SLC35D4: variants seen among roughly 807,000 people sequenced by gnomAD.
SLC35D4 encodes solute carrier family 35 member D4.
At chr18:23,387,106 T>C in the SLC35D4 span, among the ~76,000 whole-genome samples, 1 of 152,094 alleles carries the variant, frequency 6.6e-6, no homozygotes, top group East Asian at 1.9e-4. Context: ...GAATCGGGGT[T>C]TCACCATGTT....
At chr18:23,388,554 G>T in the SLC35D4 span, among the ~76,000 whole-genome samples, 18 of 152,188 alleles carry the variant, frequency 1.2e-4, 1 homozygote, top group Non-Finnish European at 4.4e-5. Context: ...TCAAGCCACA[G>T]TGAAAACTTC....
chr18:23,283,548 G>A, the SLC35D4 span, among the ~76,000 whole-genome samples: 1 of 151,210 alleles, frequency 6.6e-6, no homozygotes, highest in Non-Finnish European at 1.5e-5. Context: ...AGTGGCTCAC[G>A]CCTCTAATCC....
chr18:23,336,794 G>C, the SLC35D4 span, among the ~76,000 whole-genome samples: 1 of 152,174 alleles, frequency 6.6e-6, no homozygotes, highest in African/African-American at 2.4e-5. Context: ...CCATCCAGGT[G>C]GTGGAGAAAG....
At chr18:23,257,250 G>A in the SLC35D4 span, 1 of 1,605,222 alleles carries the variant, frequency 6.2e-7, no homozygotes, top group Admixed American at 1.8e-5. Flanking sequence ...AGTTCCGGCT[G>A]AACAGGCGAG....
the SLC35D4 span, among the ~76,000 whole-genome samples, chr18:23,303,417 A>G: frequency 6.6e-6 from 1 of 152,280 alleles, no homozygotes; most frequent in East Asian, 1.9e-4. Context: ...AGGATGTGAA[A>G]CAGCCCAGAG....
the SLC35D4 span, among the ~76,000 whole-genome samples, chr18:23,256,624 G>T: frequency 2.0e-5 from 3 of 152,080 alleles, no homozygotes; most frequent in Non-Finnish European, 4.4e-5. Flanking sequence ...GGGATTACAG[G>T]CGCCCACCGC....
the SLC35D4 span, among the ~76,000 whole-genome samples, chr18:23,282,086 G>T: frequency 7.0e-4 from 107 of 152,326 alleles, 2 homozygotes; most frequent in Middle Eastern, 6.8e-3. Flanking sequence ...GGTGAGTGGT[G>T]CCTGCACTGA....
the SLC35D4 span, among the ~76,000 whole-genome samples, chr18:23,370,498 C>T: frequency 4.9e-4 from 75 of 152,262 alleles, no homozygotes; most frequent in African/African-American, 1.8e-3. Context: ...CCATTGGTCC[C>T]CAGAGTGCTG....
At chr18:23,307,954 C>A in the SLC35D4 span, among the ~76,000 whole-genome samples, 1 of 151,890 alleles carries the variant, frequency 6.6e-6, no homozygotes, top group African/African-American at 2.4e-5. Flanking sequence ...GTCTGCCCTG[C>A]TGAACACCAC....
chr18:23,379,699 G>A, the SLC35D4 span, among the ~76,000 whole-genome samples: 2 of 152,166 alleles, frequency 1.3e-5, no homozygotes, highest in African/African-American at 2.4e-5. Flanking sequence ...TGAGTTCATG[G>A]CAGTCATTTT....
the SLC35D4 span, chr18:23,352,335 T>C: frequency 6.6e-7 from 1 of 1,515,236 alleles, no homozygotes; most frequent in East Asian, 2.3e-5. Flanking sequence ...TGTCTTCCCT[T>C]AGCCAATGGC....
At chr18:23,266,711 A>G in the SLC35D4 span, among the ~76,000 whole-genome samples, 1 of 152,226 alleles carries the variant, frequency 6.6e-6, no homozygotes, top group African/African-American at 2.4e-5. Flanking sequence ...GAGCAGCTCA[A>G]TGGGGTGATT....
At chr18:23,436,032 T>TC in the SLC35D4 span, among the ~76,000 whole-genome samples, 1 of 115,716 alleles carries the variant, frequency 8.6e-6, no homozygotes, top group South Asian at 2.7e-4. Context: ...CAACACTTTC[T>TC]CTTTTTTTTT....
chr18:23,278,179 G>A, the SLC35D4 span, among the ~76,000 whole-genome samples: 1 of 152,048 alleles, frequency 6.6e-6, no homozygotes, highest in Admixed American at 6.6e-5. Context: ...AAAACCACTG[G>A]GCAGAATGTA....
At chr18:23,270,835 G>A in the SLC35D4 span, among the ~76,000 whole-genome samples, 1 of 152,344 alleles carries the variant, frequency 6.6e-6, no homozygotes, top group South Asian at 2.1e-4. Context: ...TGAACGCACT[G>A]GACAGTTACA....
At chr18:23,280,047 C>T in the SLC35D4 span, among the ~76,000 whole-genome samples, 5 of 152,310 alleles carry the variant, frequency 3.3e-5, no homozygotes, top group Admixed American at 6.5e-5. Flanking sequence ...TTCTTTGTTA[C>T]GGCAGCCCTA....
chr18:23,435,170 A>G, the SLC35D4 span, among the ~76,000 whole-genome samples: 3 of 152,060 alleles, frequency 2.0e-5, no homozygotes, highest in South Asian at 2.1e-4. Context: ...AAAAAAAAAA[A>G]TTAGAAAAGA....
chr18:23,422,186 A>T, the SLC35D4 span, among the ~76,000 whole-genome samples: 3 of 152,150 alleles, frequency 2.0e-5, no homozygotes, highest in Non-Finnish European at 4.4e-5. Flanking sequence ...TGTTACATGG[A>T]TATAGTGAGT....
the SLC35D4 span, among the ~76,000 whole-genome samples, chr18:23,242,518 C>T: frequency 1.3e-5 from 2 of 152,096 alleles, no homozygotes; most frequent in African/African-American, 4.8e-5. Flanking sequence ...AACGTGGCAG[C>T]CCAGGTCGGT....
Sources: gnomAD v4.1 joint callset for allele counts (sites outside exome capture counted in the v4.1 genomes callset) on GRCh38, gnomAD v4.1.1 for gene constraint, MANE v1.5 for transcripts, NCBI Gene and HGNC (gene_info 2026-07-23, HGNC 2026-07-21) for gene names.